Variants in CCT7 observed in about 807,000 individuals in gnomAD.
CCT7 encodes chaperonin containing TCP1 subunit 7.
Under a neutral mutation model 56.6 loss-of-function variants are expected in CCT7, and 16 were observed. The observed-to-expected ratio is 0.28, with a 90% CI of 0.19 to 0.43. CCT7 has a LOEUF of 0.43. Ranked by LOEUF, CCT7 falls within the 20% of genes least tolerant of loss-of-function variation. CCT7 has a pLI of 1.00. For synonymous variants in CCT7, 262 were observed against 254.8 expected (o/e 1.03, Z -0.27); for missense variants, 519 against 685.6 (o/e 0.76, Z 2.71).
rs766425960 is a variant in CCT7 at position 73,247,875 on chromosome 2, C to T, written c.732C>T (p.Leu244=). ...NPKIALLNVE[L]ELKAEKDNAE... ...AGATTGCCCTTTTGAATGTCGAGCT[C>T]GAGTTGAAAGCTGAGAAAGACAATG... The change falls in exon 7 of 12, where the codon CTC becomes CTT. Residue 244 remains leucine, a synonymous_variant. Transcript: ENST00000258091. 3 of 1,613,926 alleles carry T rather than the reference C, an allele frequency of 1.9e-6. No individual in the cohort carries two copies. Among genetic ancestry groups the T allele is most frequent in the Non-Finnish European group, 1.7e-6 (2 of 1,180,012 alleles).
In CCT7 at chr2:73,251,348, G is replaced by A. The variant is rs1687572611; in HGVS notation, c.1326G>A (p.Leu442=). ...TGATTGGGGCATATGCCAAGGCCTT[G>A]GAGATTATCCCACGCCAGCTGTGTG... is the stretch of plus-strand genomic sequence containing the variant. ...QLLIGAYAKA[L]EIIPRQLCDN... is the part of the protein sequence containing the mutation. The change falls in exon 11 of 12, where the codon TTG becomes TTA. Residue 442 remains leucine, a synonymous_variant. Transcript: ENST00000258091. The A allele has an allele frequency of 6.2e-7, 1 of 1,614,218 alleles. No individual in the cohort carries two copies. The highest frequency in any genetic ancestry group is 8.5e-7 in the Non-Finnish European group (1 of 1,180,030).
chr2:73,250,248 T>C (rs2103807254), intron 9 of CCT7, 58 bp from the exon 10 acceptor site: 3 of 1,604,192 alleles, frequency 1.9e-6, no homozygotes, highest in East Asian at 4.5e-5. Context: ...GTGAGGACAA[T>C]ACAGTAGGAT....
At chr2:73,242,580 A>G (rs1687163123) in intron 3 of CCT7, among the ~76,000 whole-genome samples, 1 of 152,182 alleles carries the variant, frequency 6.6e-6, no homozygotes, top group African/African-American at 2.4e-5. Context: ...GTGCCCAGCC[A>G]CCTTTTGCTT....
At chr2:73,244,428 A>G (rs1361670512) in intron 5 of CCT7, 116 bp from the exon 6 acceptor site, 1 of 835,698 alleles carries the variant, frequency 1.2e-6, no homozygotes, top group African/African-American at 1.7e-5. Flanking sequence ...CAAAAGGTGA[A>G]GTTGGAGAGG....
At chr2:73,234,954 A>G (rs1367434517) in intron 1 of CCT7, among the ~76,000 whole-genome samples, 1 of 152,194 alleles carries the variant, frequency 6.6e-6, no homozygotes, top group African/African-American at 2.4e-5. Context: ...CATTAAATAA[A>G]CGCGTCTTTA....
At chr2:73,243,255 C>T in intron 4 of CCT7, 126 bp downstream of exon 4, 1 of 979,842 alleles carries the variant, frequency 1.0e-6, no homozygotes, top group East Asian at 2.4e-5. Flanking sequence ...TTTCTGACAT[C>T]TCCTTAGTAA....
intron 1 of CCT7, among the ~76,000 whole-genome samples, chr2:73,238,672 C>G (rs1479481582): frequency 6.6e-6 from 1 of 152,236 alleles, no homozygotes. Context: ...TTACTACATT[C>G]TGTGTCACAC....
At chr2:73,245,100 A>G (rs1329572452) in intron 6 of CCT7, among the ~76,000 whole-genome samples, 1 of 152,120 alleles carries the variant, frequency 6.6e-6, no homozygotes, top group African/African-American at 2.4e-5. Flanking sequence ...TCTTTCATTC[A>G]TTTATCTTGA....
At chr2:73,239,452 C>G (rs114104966) in intron 1 of CCT7, 191 bp from the exon 2 acceptor site, 195 of 580,544 alleles carry the variant, frequency 3.4e-4, no homozygotes, top group African/African-American at 3.2e-3. Context: ...GCAGGGTAGG[C>G]TAAATTTGAT....
chr2:73,249,221 C>A, intron 8 of CCT7, 42 bp downstream of exon 8: 2 of 1,528,552 alleles, frequency 1.3e-6, no homozygotes, highest in South Asian at 2.5e-5. Flanking sequence ...CTTTGTGGCC[C>A]TGAAGGGTTT....
At chr2:73,249,212 T>A (rs755443524) in intron 8 of CCT7, 33 bp downstream of exon 8, 5 of 1,560,234 alleles carry the variant, frequency 3.2e-6, no homozygotes, top group Non-Finnish European at 4.4e-6. Flanking sequence ...CTTCTCGGCC[T>A]TTGTGGCCCT....
intron 6 of CCT7, among the ~76,000 whole-genome samples, chr2:73,246,299 T>G (rs2103792874): frequency 6.6e-6 from 1 of 152,382 alleles, no homozygotes; most frequent in South Asian, 2.1e-4. Flanking sequence ...GATAGCATTT[T>G]CTGTATTTCT....
intron 3 of CCT7, 95 bp from the exon 4 acceptor site, chr2:73,242,909 A>G: frequency 1.4e-6 from 2 of 1,442,962 alleles, no homozygotes; most frequent in Non-Finnish European, 1.9e-6. Flanking sequence ...TTTAAATAAT[A>G]TTCAGTTTAA....
At chr2:73,240,962 C>T (rs773941243) in intron 3 of CCT7, among the ~76,000 whole-genome samples, 1 of 148,642 alleles carries the variant, frequency 6.7e-6, no homozygotes, top group African/African-American at 2.5e-5. Flanking sequence ...CCTTGAACTC[C>T]GGGGCTCAAG....
chr2:73,246,339 C>A (rs1342937958), intron 6 of CCT7, among the ~76,000 whole-genome samples: 4 of 152,206 alleles, frequency 2.6e-5, no homozygotes, highest in African/African-American at 9.6e-5. Context: ...ACCGTTTATT[C>A]AGTCACTCAA....
At chr2:73,235,059 G>A (rs924095200) in intron 1 of CCT7, among the ~76,000 whole-genome samples, 1 of 152,184 alleles carries the variant, frequency 6.6e-6, no homozygotes, top group African/African-American at 2.4e-5. Context: ...CTGTATCGGA[G>A]GTGGGAAGAC....
At chr2:73,234,561 GC>G (rs1686776019) in intron 1 of CCT7, among the ~76,000 whole-genome samples, 177 bp downstream of exon 1, 1 of 152,040 alleles carries the variant, frequency 6.6e-6, no homozygotes, top group Non-Finnish European at 1.5e-5. Flanking sequence ...CGAGCACGGC[GC>G]TGGAGCCGTT....
At chr2:73,238,222 G>A (rs1686961268) in intron 1 of CCT7, among the ~76,000 whole-genome samples, 1 of 151,504 alleles carries the variant, frequency 6.6e-6, no homozygotes, top group African/African-American at 2.4e-5. Flanking sequence ...ATCACAGTAT[G>A]CCATTCCTCT....
intron 6 of CCT7, 62 bp from the exon 7 acceptor site, chr2:73,247,700 A>T: frequency 6.7e-7 from 1 of 1,502,726 alleles, no homozygotes; most frequent in East Asian, 2.3e-5. Context: ...CCAGCAAACA[A>T]CTAGCTTGAT....
Sources: allele counts gnomAD v4.1 joint callset (sites outside exome capture counted in the v4.1 genomes callset), GRCh38; gene constraint gnomAD v4.1.1; transcripts MANE v1.5; gene names NCBI Gene and HGNC (gene_info 2026-07-23, HGNC 2026-07-21).